The following DCC variants were observed in gnomAD, a reference collection of about 807,000 sequenced individuals.
DCC encodes the protein netrin receptor DCC.
A neutral mutation model predicts 172.5 loss-of-function variants in DCC; 58 were observed. The ratio of observed to expected loss-of-function variants is 0.34; its 90% CI spans 0.27 to 0.42. The LOEUF is 0.42. DCC is among the 10% of genes least tolerant of loss of function. DCC has a pLI of 1.00. For missense variants in DCC, 1,740 were observed against 1,791.0 expected (o/e 0.97, Z 0.51); for synonymous variants, 709 against 644.5 (o/e 1.10, Z -1.52).
intron 2 of DCC, among the ~76,000 whole-genome samples, chr18:52,763,894 G>C (rs1225026305): frequency 6.6e-6 from 1 of 152,168 alleles, no homozygotes; most frequent in African/African-American, 2.4e-5. Flanking sequence ...TTACAGATCA[G>C]TTTCATGGTT....
intron 1 of DCC, among the ~76,000 whole-genome samples, chr18:52,597,866 A>G (rs534056220): frequency 1.1e-4 from 17 of 152,228 alleles, no homozygotes; most frequent in Non-Finnish European, 1.6e-4. Flanking sequence ...TGCAAGGTAG[A>G]GAACAGTGAA....
intron 5 of DCC, chr18:52,965,248 A>G (rs1273041914): frequency 6.6e-6 from 1 of 152,224 alleles, no homozygotes; most frequent in African/African-American, 2.4e-5. Flanking sequence ...ATTATCTCAG[A>G]GAAGACTGTA....
At chr18:53,349,366 T>C (rs1599050158) in intron 15 of DCC, among the ~76,000 whole-genome samples, 1 of 152,278 alleles carries the variant, frequency 6.6e-6, no homozygotes, top group Middle Eastern at 3.4e-3. Context: ...GCAAAGCCAT[T>C]CAACAAGTCT....
chr18:53,288,091 A>G (rs1014344944), intron 12 of DCC, among the ~76,000 whole-genome samples: 12 of 152,160 alleles, frequency 7.9e-5, no homozygotes, highest in African/African-American at 2.9e-4. Flanking sequence ...AAGGTATATT[A>G]GTTAAAAATT....
chr18:52,394,832 G>A (rs1986158681), intron 1 of DCC, among the ~76,000 whole-genome samples: 1 of 152,004 alleles, frequency 6.6e-6, no homozygotes, highest in Non-Finnish European at 1.5e-5. Context: ...TGAGCCAATG[G>A]CATCAGAGAG....
At chr18:53,355,159 G>C (rs2057863574) in intron 15 of DCC, among the ~76,000 whole-genome samples, 1 of 152,108 alleles carries the variant, frequency 6.6e-6, no homozygotes, top group Non-Finnish European at 1.5e-5. Context: ...CCAGTACCAG[G>C]CTGTTTTGGT....
intron 2 of DCC, among the ~76,000 whole-genome samples, chr18:52,810,466 G>A (rs971725292): frequency 6.4e-4 from 97 of 152,318 alleles, no homozygotes; most frequent in African/African-American, 2.3e-3. Flanking sequence ...GAACAATAAG[G>A]ATGTGCTGTA....
At chr18:53,261,678 A>T (rs2056605322) in intron 12 of DCC, among the ~76,000 whole-genome samples, 1 of 152,114 alleles carries the variant, frequency 6.6e-6, no homozygotes, top group Admixed American at 6.5e-5. Context: ...TACCCGGCTA[A>T]TTTTTTGTAT....
At chr18:52,582,591 C>T (rs1568240009) in intron 1 of DCC, among the ~76,000 whole-genome samples, 2 of 152,254 alleles carry the variant, frequency 1.3e-5, no homozygotes, top group South Asian at 2.1e-4. Flanking sequence ...AGGGCTTGTG[C>T]TTGGAATAGT....
At chr18:52,764,448 CAG>C (rs2037212354) in intron 2 of DCC, among the ~76,000 whole-genome samples, 1 of 152,186 alleles carries the variant, frequency 6.6e-6, no homozygotes. Flanking sequence ...TGTGTTATGA[CAG>C]TGGATTTCTC....
At chr18:52,932,595 C>A (rs1184803739) in intron 5 of DCC, among the ~76,000 whole-genome samples, 2 of 152,020 alleles carry the variant, frequency 1.3e-5, no homozygotes, top group African/African-American at 4.8e-5. Flanking sequence ...TTCTAGAATT[C>A]CCTTTAAAGC....
intron 7 of DCC, among the ~76,000 whole-genome samples, chr18:53,066,482 C>A (rs2144091748): frequency 1.4e-5 from 2 of 146,228 alleles, no homozygotes; most frequent in Admixed American, 1.4e-4. Flanking sequence ...AATAATAGGG[C>A]CTCTGCTTTT....
chr18:52,696,064 C>G (rs747835959), intron 1 of DCC, among the ~76,000 whole-genome samples: 12 of 152,066 alleles, frequency 7.9e-5, no homozygotes, highest in Admixed American at 2.6e-4. Flanking sequence ...AAACTTCAAA[C>G]AAACAAGAAA....
chr18:52,894,067 T>C (rs2039692222), intron 2 of DCC, among the ~76,000 whole-genome samples: 1 of 152,216 alleles, frequency 6.6e-6, no homozygotes, highest in East Asian at 1.9e-4. Context: ...CTGTCTAGAA[T>C]GTCCTTTTGT....
At chr18:53,101,878 C>T (rs1364874288) in intron 7 of DCC, among the ~76,000 whole-genome samples, 10 of 151,700 alleles carry the variant, frequency 6.6e-5, no homozygotes, top group African/African-American at 2.2e-4. Flanking sequence ...TTTCTCTCCT[C>T]TTGGCATGTA....
intron 1 of DCC, among the ~76,000 whole-genome samples, chr18:52,473,841 A>G (rs1005393857): frequency 2.0e-5 from 3 of 152,078 alleles, no homozygotes; most frequent in Non-Finnish European, 4.4e-5. Context: ...CAGCAGAGTC[A>G]TTGATTGTGG....
intron 2 of DCC, among the ~76,000 whole-genome samples, chr18:52,872,758 C>G (rs1289295596): frequency 6.6e-6 from 1 of 152,146 alleles, no homozygotes; most frequent in East Asian, 1.9e-4. Context: ...TATTCATGCA[C>G]TGATCTGCTG....
At chr18:53,424,922 G>T (rs903093663) in intron 21 of DCC, among the ~76,000 whole-genome samples, 1 of 151,996 alleles carries the variant, frequency 6.6e-6, no homozygotes, top group Non-Finnish European at 1.5e-5. Context: ...GTCTACACTG[G>T]CCAGTGAAGG....
Position 53,351,513 on chromosome 18 carries a change from A to ATG in DCC, c.2359+11606_2359+11607insTG, listed in dbSNP as rs1428632895. Among the ~76,000 whole-genome samples the ATG allele has an allele frequency of 6.0e-5, 7 of 116,426 alleles. 1 individual carries two copies. The highest frequency in any genetic ancestry group is 2.3e-4 in the African/African-American group (7 of 30,006). The allele number at this position is 116,426 out of a possible 152,430, so 76.4% of individuals were successfully genotyped here. A position where few individuals can be genotyped will look rare whatever the true frequency, so the allele number is the denominator to read the frequency against. On this transcript the variant is annotated intron_variant, in intron 15 of 28. Coordinates refer to ENST00000442544, the MANE Select transcript of DCC (RefSeq NM_005215.4). Reference sequence around the variant, plus strand: ...ATAGTGTGTATATATATATATATATAATTGGAATATATGTGTCATTGGAAA... The same window carrying ATG: ...ATAGTGTGTATATATATATATATATATGATTGGAATATATGTGTCATTGGAAA...
Sources: allele counts gnomAD v4.1 joint callset (sites outside exome capture counted in the v4.1 genomes callset), GRCh38; gene constraint gnomAD v4.1.1; transcripts MANE v1.5; gene names NCBI Gene and HGNC (gene_info 2026-07-23, HGNC 2026-07-21).